SVBP: variants seen among roughly 807,000 people sequenced by gnomAD.
The protein encoded by SVBP is small vasohibin-binding protein.
Under a neutral mutation model 9.2 loss-of-function variants are expected in SVBP, and 9 were observed. The observed-to-expected ratio is 0.98, with a 90% CI of 0.59 to 1.71. The LOEUF (loss-of-function observed/expected upper bound fraction) is 1.71, where lower values mean the gene tolerates loss of function less well. SVBP is among the 40% of genes most tolerant of loss of function. The pLI, the probability that SVBP is intolerant of heterozygous loss-of-function variation, is 0.00. For synonymous variants in SVBP, 27 were observed against 23.9 expected (o/e 1.13, Z -0.37); for missense variants, 63 against 73.2 (o/e 0.86, Z 0.51).
At chr1:42,813,775 C>T in intron 2 of SVBP, 1 of 514,746 alleles carries the variant, frequency 1.9e-6, no homozygotes. Context: ...CTTCTGTTCT[C>T]CTGCTTCAGG....
chr1:42,810,610 G>A (rs923576365), intron 2 of SVBP, among the ~76,000 whole-genome samples: 2 of 152,120 alleles, frequency 1.3e-5, no homozygotes, highest in Non-Finnish European at 2.9e-5. Flanking sequence ...AGAAAGAGGA[G>A]ACTCACAATG....
chr1:42,808,456 T>TTA (rs1654014842), intron 2 of SVBP, among the ~76,000 whole-genome samples: 2 of 145,414 alleles, frequency 1.4e-5, no homozygotes, highest in African/African-American at 2.5e-5. Flanking sequence ...ACTATATAGC[T>TTA]TATATATACT....
intron 2 of SVBP, chr1:42,813,935 A>G (rs2124251273): frequency 9.4e-6 from 2 of 213,700 alleles, no homozygotes; most frequent in South Asian, 1.3e-4. Flanking sequence ...CAGTTTACAG[A>G]TTAACTTCAA....
chr1:42,815,294 C>G (rs1654174219), intron 2 of SVBP, among the ~76,000 whole-genome samples: 1 of 151,122 alleles, frequency 6.6e-6, no homozygotes, highest in Non-Finnish European at 1.5e-5. Flanking sequence ...GTGCAGCACA[C>G]CAACATGGCA....
chr1:42,809,608 G>A (rs186528447), intron 2 of SVBP, among the ~76,000 whole-genome samples: 45 of 152,274 alleles, frequency 3.0e-4, no homozygotes, highest in African/African-American at 9.1e-4. Context: ...AAGTTCCTAG[G>A]AAAAGTAAAA....
Position 42,817,381 on chromosome 1 carries a change from CG to C in SVBP, c.-229del. 2.0e-6 allele frequency: 1 copy of C among 509,078 alleles called. No individual in the cohort carries two copies. The highest frequency in any genetic ancestry group is 2.7e-6 in the Non-Finnish European group (1 of 375,354). 31.5% of individuals were successfully genotyped at this position (509,078 alleles called of 1,614,324 possible). ...GCCAGGAGGCTTCCGCCCGCAGGAG[CG>C]GCCGCGCGTGCGCAGAGAGGATGGC... On this transcript the variant is annotated 5_prime_UTR_variant, in exon 1 of 3. Coordinates refer to ENST00000372521, the MANE Select transcript of SVBP (RefSeq NM_199342.4).
intron 2 of SVBP, among the ~76,000 whole-genome samples, chr1:42,808,778 C>T (rs541445772): frequency 2.6e-5 from 4 of 152,038 alleles, no homozygotes; most frequent in African/African-American, 9.6e-5. Flanking sequence ...CTCACTGCAA[C>T]CTCTGCCTCC....
intron 2 of SVBP, among the ~76,000 whole-genome samples, chr1:42,816,055 T>C (rs1654197894): frequency 6.6e-6 from 1 of 152,248 alleles, no homozygotes; most frequent in Non-Finnish European, 1.5e-5. Flanking sequence ...CTTGGGCCTC[T>C]ACCTGGCATG....
Position 42,817,195 on chromosome 1 carries a change from C to G in SVBP, c.-42G>C. On this transcript the variant is annotated 5_prime_UTR_variant, in exon 1 of 3. Coordinates refer to ENST00000372521, the MANE Select transcript of SVBP (RefSeq NM_199342.4). ...AGAGGCTTGGGAGTCTGTACCTTTC[C>G]CGACCGGGCCACTGGAAGTTGGAGC... 1 of 1,250,932 alleles carries G rather than the reference C, an allele frequency of 8.0e-7. No homozygotes were observed. Among genetic ancestry groups the G allele is most frequent in the South Asian group, 1.3e-5 (1 of 76,840 alleles). 77.5% of individuals were successfully genotyped at this position (1,250,932 alleles called of 1,614,324 possible). A position where few individuals can be genotyped will look rare whatever the true frequency, so the allele number is the denominator to read the frequency against.
intron 2 of SVBP, among the ~76,000 whole-genome samples, chr1:42,811,340 C>T (rs112074522): frequency 1.1e-4 from 16 of 152,196 alleles, no homozygotes; most frequent in African/African-American, 2.2e-4. Flanking sequence ...TTTTACATAT[C>T]GGATTAACCA....
chr1:42,810,878 A>G (rs1176266209), intron 2 of SVBP, among the ~76,000 whole-genome samples: 1 of 152,184 alleles, frequency 6.6e-6, no homozygotes, highest in Non-Finnish European at 1.5e-5. Flanking sequence ...GGCGGCTCAC[A>G]TATGTAATCC....
intron 2 of SVBP, among the ~76,000 whole-genome samples, chr1:42,808,196 T>C (rs1482881772): frequency 2.2e-5 from 3 of 138,088 alleles, no homozygotes; most frequent in Non-Finnish European, 4.6e-5. Flanking sequence ...ATGTATAGTA[T>C]ATATAGCTTA....
Position 42,807,200 on chromosome 1 carries a change from TAGA to T in SVBP, c.*211_*213del, listed in dbSNP as rs1653978439. 3 of 375,210 alleles carry T rather than the reference TAGA, an allele frequency of 8.0e-6. No homozygotes were observed. The highest frequency in any genetic ancestry group is 1.2e-4 in the South Asian group (1 of 8,060). 23.2% of individuals were successfully genotyped at this position (375,210 alleles called of 1,614,324 possible). A position where few individuals can be genotyped will look rare whatever the true frequency, so the allele number is the denominator to read the frequency against. On this transcript the variant is annotated 3_prime_UTR_variant, in exon 3 of 3. Coordinates refer to ENST00000372521, the MANE Select transcript of SVBP (RefSeq NM_199342.4). ...AACCCAAAAAACAAAACCACTGTCTTAGAAGAAGAAAACAAGTCTCTTCAGCAA... is the reference window on the plus strand; with the variant it reads ...AACCCAAAAAACAAAACCACTGTCTTAGAAGAAAACAAGTCTCTTCAGCAA...
At chr1:42,810,203 C>T (rs575602054) in intron 2 of SVBP, among the ~76,000 whole-genome samples, 4 of 152,150 alleles carry the variant, frequency 2.6e-5, no homozygotes, top group South Asian at 4.1e-4. Flanking sequence ...GGCTGGAGTG[C>T]AGTGACCCGA....
At chr1:42,809,246 CAGAG>C (rs1557597845) in intron 2 of SVBP, 1 of 151,734 alleles carries the variant, frequency 6.6e-6, no homozygotes, top group Non-Finnish European at 1.5e-5. Flanking sequence ...AAATGAAAGA[CAGAG>C]TGTGTGTGTG....
chr1:42,815,774 C>G (rs1168027370), intron 2 of SVBP, among the ~76,000 whole-genome samples: 3 of 151,866 alleles, frequency 2.0e-5, no homozygotes, highest in Non-Finnish European at 2.9e-5. Flanking sequence ...TCAAGGATAT[C>G]TATTAATATA....
rs1181817226 is a variant in SVBP, at chr1:42,814,247, A to AT, written c.114+2183dup. On this transcript the variant is annotated intron_variant, in intron 2 of 2. Transcript: ENST00000372521. ...CAGGGAGCACCACCACGCCCAGCTA[A>AT]TTTTTTTTTTAGTAGAGACAGGGTT... Among the ~76,000 whole-genome samples, 26 of 147,244 alleles carry AT rather than the reference A, an allele frequency of 1.8e-4. No individual in the cohort carries two copies. The South Asian group carries it at 2.6e-3, about 15-fold the overall frequency.
At chr1:42,807,804 T>C (rs1392311015) in intron 2 of SVBP, among the ~76,000 whole-genome samples, 1 of 152,030 alleles carries the variant, frequency 6.6e-6, no homozygotes, top group East Asian at 1.9e-4. Context: ...AGAAGTTACA[T>C]ACAGGAAGAT....
intron 2 of SVBP, among the ~76,000 whole-genome samples, chr1:42,814,695 G>A (rs530358362): frequency 1.8e-4 from 27 of 152,186 alleles, no homozygotes; most frequent in African/African-American, 5.3e-4. Flanking sequence ...TTAGAATGGC[G>A]ATCATTAAAA....
Sources: gnomAD v4.1 joint callset for allele counts (sites outside exome capture counted in the v4.1 genomes callset) on GRCh38, gnomAD v4.1.1 for gene constraint, MANE v1.5 for transcripts, NCBI Gene and HGNC (gene_info 2026-07-23, HGNC 2026-07-21) for gene names.